The following BNIP3L variants were observed in gnomAD, a reference collection of about 807,000 sequenced individuals.
BNIP3L encodes BCL2/adenovirus E1B 19 kDa protein-interacting protein 3-like.
Under a neutral mutation model 25.5 loss-of-function variants are expected in BNIP3L, and 10 were observed. The ratio of observed to expected loss-of-function variants is 0.39; its 90% CI spans 0.24 to 0.67. The LOEUF (loss-of-function observed/expected upper bound fraction) is 0.67. Ranked by LOEUF, BNIP3L falls within the 30% of genes least tolerant of loss-of-function variation. BNIP3L has a pLI of 0.45. For synonymous variants in BNIP3L, 113 were observed against 101.2 expected (o/e 1.12, Z -0.70); for missense variants, 215 against 270.9 (o/e 0.79, Z 1.45).
intron 3 of BNIP3L, among the ~76,000 whole-genome samples, chr8:26,402,287 C>G (rs1563341893): frequency 6.6e-6 from 1 of 152,184 alleles, no homozygotes; most frequent in Non-Finnish European, 1.5e-5. Context: ...GATGATCTGA[C>G]TGGAGCATTT....
intron 2 of BNIP3L, among the ~76,000 whole-genome samples, chr8:26,393,418 T>A (rs1412226218): frequency 6.7e-6 from 1 of 148,168 alleles, no homozygotes; most frequent in Non-Finnish European, 1.5e-5. Context: ...CAGAAGCTTT[T>A]AAAAATGGCA....
intron 1 of BNIP3L, among the ~76,000 whole-genome samples, chr8:26,385,602 CAA>C (rs56114719): frequency 8.0e-5 from 4 of 50,028 alleles, no homozygotes; most frequent in Admixed American, 2.2e-4. Flanking sequence ...GACTCTGTCT[CAA>C]AAAAAAAAAG....
At chr8:26,390,872 A>G (rs557976402) in intron 1 of BNIP3L, among the ~76,000 whole-genome samples, 1 of 152,322 alleles carries the variant, frequency 6.6e-6, no homozygotes, top group East Asian at 1.9e-4. Flanking sequence ...GTGTGTGTGT[A>G]TATATACACC....
At chr8:26,401,866 G>T (rs564676113) in intron 3 of BNIP3L, among the ~76,000 whole-genome samples, 16 of 152,224 alleles carry the variant, frequency 1.1e-4, no homozygotes, top group African/African-American at 3.9e-4. Flanking sequence ...ATATAACTGT[G>T]GCTAATGATT....
intron 2 of BNIP3L, among the ~76,000 whole-genome samples, chr8:26,393,938 T>C (rs1806170210): frequency 6.6e-6 from 1 of 152,244 alleles, no homozygotes; most frequent in Admixed American, 6.5e-5. Context: ...GTCTGATAAA[T>C]TTCTGACGAT....
At chr8:26,407,123 A>G (rs1001785448) in intron 3 of BNIP3L, among the ~76,000 whole-genome samples, 3 of 151,570 alleles carry the variant, frequency 2.0e-5, no homozygotes, top group African/African-American at 7.3e-5. Flanking sequence ...CTTCTGCCTC[A>G]GCCTCTCAAG....
At chr8:26,401,430 G>C (rs920422873) in intron 3 of BNIP3L, among the ~76,000 whole-genome samples, 4 of 151,682 alleles carry the variant, frequency 2.6e-5, no homozygotes, top group African/African-American at 9.7e-5. Flanking sequence ...GAGCGGGGAG[G>C]GGGGAAGGAT....
Position 26,383,088 on chromosome 8 carries a change from G to C in BNIP3L, c.-43G>C, listed in dbSNP as rs754798111. On this transcript the variant is annotated 5_prime_UTR_variant, in exon 1 of 6. Coordinates refer to ENST00000380629, the MANE Select transcript of BNIP3L (RefSeq NM_004331.3). ...TTGTTGTGTTGCTGCCTGAGTGCCG[G>C]AGACGGTCCTGCTGCTGCCGCAGTC... 3.9e-6 allele frequency: 6 copies of C among 1,523,448 alleles called. No homozygotes were observed. The highest frequency in any genetic ancestry group is 5.3e-6 in the Non-Finnish European group (6 of 1,121,740). The allele number at this position is 1,523,448 out of a possible 1,614,324, so 94.4% of individuals were successfully genotyped here. A position where few individuals can be genotyped will look rare whatever the true frequency, so the allele number is the denominator to read the frequency against.
chr8:26,383,407 C>T, intron 1 of BNIP3L, 177 bp downstream of exon 1: 2 of 1,434,386 alleles, frequency 1.4e-6, no homozygotes, highest in Non-Finnish European at 1.8e-6. Flanking sequence ...CTGCCTTGCT[C>T]CGGGCCTCTC....
rs182892354 is a variant in BNIP3L, at chr8:26,403,410, A to T, written c.358-4590A>T. On this transcript the variant is annotated intron_variant, in intron 3 of 5. Transcript: ENST00000380629. ...AAAGCAGTTAAAGGACTGTTATTGTACTTGATCTTATAGAATGTTTTTATA... is the reference window on the plus strand; with the variant it reads ...AAAGCAGTTAAAGGACTGTTATTGTTCTTGATCTTATAGAATGTTTTTATA... Among the ~76,000 whole-genome samples the T allele has an allele frequency of 1.5e-3, 229 of 152,282 alleles. 1 individual carries two copies. Among genetic ancestry groups the T allele is most frequent in the Non-Finnish European group, 2.4e-3 (165 of 68,028 alleles).
chr8:26,395,924 A>G (rs1354831139), intron 3 of BNIP3L: 2 of 163,902 alleles, frequency 1.2e-5, no homozygotes, highest in South Asian at 1.2e-4. Flanking sequence ...ACCGGCTTAA[A>G]AAACGGCGCA....
intron 5 of BNIP3L, 131 bp from the exon 6 acceptor site, chr8:26,410,233 G>A (rs745627082): frequency 1.1e-6 from 1 of 938,912 alleles, no homozygotes; most frequent in Non-Finnish European, 1.6e-6. Flanking sequence ...CACGGTGTTT[G>A]GGGAGCGGTA....
intron 3 of BNIP3L, among the ~76,000 whole-genome samples, chr8:26,403,923 T>C (rs1018334085): frequency 1.3e-5 from 2 of 152,198 alleles, no homozygotes; most frequent in African/African-American, 4.8e-5. Flanking sequence ...TACTAATTAC[T>C]TATCTAAGAT....
chr8:26,385,076 G>A (rs1050617667), intron 1 of BNIP3L, among the ~76,000 whole-genome samples: 12 of 151,786 alleles, frequency 7.9e-5, no homozygotes, highest in Non-Finnish European at 1.2e-4. Flanking sequence ...CCATCGCACC[G>A]GCTTCTTTTC....
chr8:26,383,405 C>A, intron 1 of BNIP3L, 175 bp downstream of exon 1: 2 of 1,434,410 alleles, frequency 1.4e-6, no homozygotes, highest in Non-Finnish European at 1.8e-6. Context: ...GCCTGCCTTG[C>A]TCCGGGCCTC....
chr8:26,402,749 A>G (rs1806415259), intron 3 of BNIP3L, among the ~76,000 whole-genome samples: 1 of 152,182 alleles, frequency 6.6e-6, no homozygotes, highest in South Asian at 2.1e-4. Flanking sequence ...GCAACATAGC[A>G]AGACTCTCTG....
In BNIP3L at chr8:26,412,250, A is replaced by G. The variant is rs917353851; in HGVS notation, c.*1838A>G. On this transcript the variant is annotated 3_prime_UTR_variant, in exon 6 of 6. Coordinates refer to ENST00000380629, the MANE Select transcript of BNIP3L (RefSeq NM_004331.3). ...TCATATTTGAATTTCTTTGGGAAGA[A>G]AGTAAATCTGATGGCTCACTGATTT... 6.6e-6 allele frequency: 1 copy of G among 152,232 alleles called. No individual in the cohort carries two copies. The highest frequency in any genetic ancestry group is 1.5e-5 in the Non-Finnish European group (1 of 68,038). The allele number at this position is 152,232 out of a possible 1,614,324, so 9.4% of individuals were successfully genotyped here.
At chr8:26,406,812 C>A (rs552803248) in intron 3 of BNIP3L, among the ~76,000 whole-genome samples, 32 of 148,980 alleles carry the variant, frequency 2.1e-4, no homozygotes, top group Non-Finnish European at 4.2e-4. Flanking sequence ...GACCCTGTCT[C>A]CAGAAAAAAA....
At chr8:26,401,907 T>C (rs1416729214) in intron 3 of BNIP3L, among the ~76,000 whole-genome samples, 2 of 152,244 alleles carry the variant, frequency 1.3e-5, no homozygotes, top group Non-Finnish European at 1.5e-5. Flanking sequence ...TTTAACTTTA[T>C]TGATATGTAA....
Sources: allele counts gnomAD v4.1 joint callset (sites outside exome capture counted in the v4.1 genomes callset), GRCh38; gene constraint gnomAD v4.1.1; transcripts MANE v1.5; gene names NCBI Gene and HGNC (gene_info 2026-07-23, HGNC 2026-07-21).